ESR1: variants seen among roughly 807,000 people sequenced by gnomAD.
ESR1 encodes the protein estrogen receptor.
ESR1 carries 12 observed loss-of-function variants against 52.7 expected under a neutral mutation model. That is an observed-to-expected ratio of 0.23 (90% CI 0.15 to 0.37). The LOEUF is 0.37. Ranked by LOEUF, ESR1 falls within the 10% of genes least tolerant of loss-of-function variation. The pLI is 1.00. For synonymous variants in ESR1, 305 were observed against 316.8 expected (o/e 0.96, Z 0.39); for missense variants, 584 against 779.7 (o/e 0.75, Z 2.99).
intron 2 of ESR1, among the ~76,000 whole-genome samples, chr6:151,764,268 A>G (rs939338382): frequency 3.9e-5 from 6 of 152,074 alleles, no homozygotes; most frequent in African/African-American, 1.4e-4. Context: ...TGTCTGGTTT[A>G]TTTATTTATT....
chr6:151,998,750 G>A (rs2041710323), intron 4 of ESR1, among the ~76,000 whole-genome samples: 1 of 152,046 alleles, frequency 6.6e-6, no homozygotes, highest in East Asian at 1.9e-4. Flanking sequence ...AAGTATTTAT[G>A]TTTAGGATCT....
At chr6:151,684,291 A>G (rs887416978) in intron 1 of ESR1, among the ~76,000 whole-genome samples, 2 of 152,128 alleles carry the variant, frequency 1.3e-5, no homozygotes, top group Admixed American at 1.3e-4. Context: ...CAAGCATAGG[A>G]TGGTGGGAGC....
intron 2 of ESR1, among the ~76,000 whole-genome samples, chr6:151,745,063 A>T (rs994265232): frequency 6.6e-6 from 1 of 152,152 alleles, no homozygotes; most frequent in Non-Finnish European, 1.5e-5. Flanking sequence ...ATCTCCCACC[A>T]TACTACCAGT....
intron 1 of ESR1, among the ~76,000 whole-genome samples, chr6:151,824,734 A>G (rs922693769): frequency 5.9e-5 from 9 of 152,138 alleles, no homozygotes; most frequent in African/African-American, 2.2e-4. Flanking sequence ...CTCCTGGCTA[A>G]CATGATGAAA....
intron 1 of ESR1, chr6:151,808,997 A>T (rs1196300493): frequency 3.9e-6 from 1 of 256,460 alleles, no homozygotes; most frequent in Non-Finnish European, 8.5e-6. Flanking sequence ...CTGATTTCGG[A>T]GTTAGCTGGC....
At position 151,877,302 on chromosome 6, in the gene ESR1, C is replaced by T. The variant is rs190008706; in HGVS notation, c.644-3353C>T. Among the ~76,000 whole-genome samples the T allele has an allele frequency of 6.6e-3, 1,002 of 152,196 alleles. 9 individuals are homozygous for T. The highest frequency in any genetic ancestry group is 0.01 in the Non-Finnish European group (697 of 68,010). On this transcript the variant is annotated intron_variant, in intron 2 of 7. Coordinates refer to ENST00000206249, the MANE Select transcript of ESR1 (RefSeq NM_000125.4). ...TTAATAACACATATTGACCAAGTTA[C>T]ACTCATTAAGGAAAAAAAACTACTT...
intron 2 of ESR1, among the ~76,000 whole-genome samples, chr6:151,779,684 A>T (rs1429138466): frequency 6.6e-6 from 1 of 152,166 alleles, no homozygotes; most frequent in East Asian, 1.9e-4. Context: ...GTATATACCC[A>T]AAGGATTATA....
intron 5 of ESR1, among the ~76,000 whole-genome samples, chr6:152,055,010 G>A (rs1183269499): frequency 1.3e-5 from 2 of 152,142 alleles, no homozygotes; most frequent in Non-Finnish European, 2.9e-5. Flanking sequence ...CAAGCGACAG[G>A]ATTTCCTTCT....
Position 151,723,459 on chromosome 6 carries a change from G to A in ESR1, c.-71+21454G>A, listed in dbSNP as rs1440773910. On this transcript the variant is annotated intron_variant, in intron 2 of 2. Coordinates refer to the ESR1 transcript ENST00000404742. The stretch of plus-strand genomic sequence containing the variant: ...ACCTGATAGCCTTCATTTCATTTCT[G>A]TCTTCTCAGGGAAACATTTACCCCT... 4.6e-5 allele frequency among the ~76,000 whole-genome samples: 7 copies of A among 152,308 alleles called. No homozygotes were observed. The East Asian group carries it at 1.4e-3, about 29-fold the overall frequency.
intron 7 of ESR1, among the ~76,000 whole-genome samples, chr6:152,096,098 T>C (rs1329932371): frequency 5.3e-5 from 8 of 152,144 alleles, no homozygotes; most frequent in Non-Finnish European, 1.0e-4. Context: ...TATTGCAGAC[T>C]CCAGCAGGAC....
chr6:152,110,543 G>A (rs551858407), intron 6 of ESR1, among the ~76,000 whole-genome samples: 32 of 152,196 alleles, frequency 2.1e-4, no homozygotes, highest in African/African-American at 7.0e-4. Context: ...GAGGGTGGAA[G>A]GAGGGAGACA....
chr6:151,866,034 A>G (rs1789842959), intron 2 of ESR1, among the ~76,000 whole-genome samples: 1 of 152,086 alleles, frequency 6.6e-6, no homozygotes. Context: ...AGACCTTAAA[A>G]CCACTCCTGC....
At chr6:152,090,026 G>A (rs558134265) in intron 6 of ESR1, among the ~76,000 whole-genome samples, 31 of 152,264 alleles carry the variant, frequency 2.0e-4, no homozygotes, top group African/African-American at 6.3e-4. Context: ...CAGCAGCCTC[G>A]GGCTGTCCAA....
intron 2 of ESR1, among the ~76,000 whole-genome samples, chr6:151,876,955 G>A (rs1040686624): frequency 4.0e-5 from 6 of 150,470 alleles, no homozygotes; most frequent in African/African-American, 1.5e-4. Flanking sequence ...ATCGAGTCCT[G>A]TCTTTTCAGT....
At chr6:152,038,231 T>C (rs1356876870) in intron 5 of ESR1, among the ~76,000 whole-genome samples, 1 of 152,192 alleles carries the variant, frequency 6.6e-6, no homozygotes, top group Non-Finnish European at 1.5e-5. Context: ...GCCAGTCTAG[T>C]CCTTCCACGT....
At chr6:151,875,054 G>A (rs555291607) in intron 2 of ESR1, among the ~76,000 whole-genome samples, 4 of 152,176 alleles carry the variant, frequency 2.6e-5, no homozygotes, top group Admixed American at 6.5e-5. Flanking sequence ...TGAATATGTT[G>A]ATTTTTCTTT....
intron 2 of ESR1, among the ~76,000 whole-genome samples, chr6:151,750,177 GA>G (rs374711457): frequency 3.7e-4 from 56 of 152,144 alleles, no homozygotes; most frequent in African/African-American, 1.3e-3. Context: ...AACTCTTCAT[GA>G]AAAAAATTCA....
chr6:151,712,580 C>A (rs1780704815), intron 2 of ESR1, among the ~76,000 whole-genome samples: 1 of 152,020 alleles, frequency 6.6e-6, no homozygotes, highest in African/African-American at 2.4e-5. Context: ...TGTCTTCCTA[C>A]ATGTTTTATT....
intron 2 of ESR1, among the ~76,000 whole-genome samples, chr6:151,844,539 G>C (rs1285336296): frequency 6.6e-6 from 1 of 152,178 alleles, no homozygotes; most frequent in Admixed American, 6.5e-5. Context: ...GGGCCATGCA[G>C]TCTCTGTTGC....
Sources: gnomAD v4.1 joint callset for allele counts (sites outside exome capture counted in the v4.1 genomes callset) on GRCh38, gnomAD v4.1.1 for gene constraint, MANE v1.5 for transcripts, NCBI Gene and HGNC (gene_info 2026-07-23, HGNC 2026-07-21) for gene names.